The following POFUT2 variants were observed in gnomAD, a reference collection of about 807,000 sequenced individuals.
The protein encoded by POFUT2 is protein O-fucosyltransferase 2.
POFUT2 carries 30 observed loss-of-function variants against 55.0 expected under a neutral mutation model. The ratio of observed to expected loss-of-function variants is 0.55; its 90% CI spans 0.41 to 0.74. The LOEUF is 0.74. Ranked by LOEUF, POFUT2 falls within the 30% of genes least tolerant of loss-of-function variation. The probability of loss-of-function intolerance (pLI) is 0.00; values close to 1 mark genes in which losing one functional copy is unlikely to be tolerated. For synonymous variants in POFUT2, 267 were observed against 231.1 expected (o/e 1.16, Z -1.41); for missense variants, 524 against 562.6 (o/e 0.93, Z 0.69).
rs761471216 is a variant in POFUT2 at position 45,283,545 on chromosome 21, A to G, written c.383-18T>C. On this transcript the variant is annotated intron_variant, in intron 2 of 8. Coordinates refer to ENST00000349485, the MANE Select transcript of POFUT2 (RefSeq NM_133635.6). The stretch of plus-strand genomic sequence containing the variant: ...ACCAGATTCTGAAAGACACCAAGAA[A>G]AGCCAGGCAGTGTGACAGCGATCAG... 3.5e-5 allele frequency: 56 copies of G among 1,612,872 alleles called. No homozygotes were observed. The highest frequency in any genetic ancestry group is 4.7e-5 in the Non-Finnish European group (55 of 1,179,468).
At position 45,277,112 on chromosome 21, in the gene POFUT2, G is replaced by A. The variant is rs151096879; in HGVS notation, c.736C>T (p.Leu246=). ...CTGAACTCGTCTCCCACCTCCCGCAGGTGCCTGGCAAACACCATGCTGCGA... is the reference window on the plus strand; with the variant it reads ...CTGAACTCGTCTCCCACCTCCCGCAAGTGCCTGGCAAACACCATGCTGCGA... ...TRRSMVFARH[L]REVGDEFRSR... Residue 246 remains leucine, a synonymous_variant, in exon 6 of 9, where the codon CTG becomes TTG. Coordinates refer to ENST00000349485, the MANE Select transcript of POFUT2 (RefSeq NM_133635.6). The surrounding 1 kb of genome is among the most constrained non-coding windows in gnomAD (Gnocchi z 6.9). 4.5e-4 allele frequency: 721 copies of A among 1,613,994 alleles called. 1 individual carries two copies. The African/African-American group carries it at 5.2e-3, about 12-fold the overall frequency.
rs571841453 is a variant in POFUT2 at position 45,266,049 on chromosome 21, G to A, written c.1137-414C>T. ...CACACTGTCTAGCCAGGGCATGGCG[G>A]GTCCTTATCCTGAGGCACAGTAGAC... On this transcript the variant is annotated intron_variant, in intron 8 of 8. Transcript: ENST00000349485. 7 of 1,229,828 alleles carry A rather than the reference G, an allele frequency of 5.7e-6. No homozygotes were observed. In the African/African-American group the frequency reaches 9.3e-5, roughly 16 times the overall value. 76.2% of individuals were successfully genotyped at this position (1,229,828 alleles called of 1,614,324 possible).
intron 3 of POFUT2, 169 bp downstream of exon 3, chr21:45,283,214 G>A (rs572415856): frequency 2.3e-6 from 1 of 440,800 alleles, no homozygotes; most frequent in Non-Finnish European, 4.2e-6. Context: ...GGGAGTGGGG[G>A]GTGAAGACAC....
chr21:45,274,626 T>G (rs1174669121), intron 6 of POFUT2, among the ~76,000 whole-genome samples: 2 of 152,106 alleles, frequency 1.3e-5, no homozygotes, highest in Non-Finnish European at 2.9e-5. Context: ...CCTAGACCAG[T>G]GGAGCAGAAG....
Position 45,281,360 on chromosome 21 carries a change from A to C in POFUT2, c.638+989T>G, listed in dbSNP as rs1031003222. On this transcript the variant is annotated intron_variant, in intron 4 of 8. Transcript: ENST00000349485. The surrounding 1 kb of genome is among the most constrained non-coding windows in gnomAD (Gnocchi z 5.0). ...GAAATGAACCCAGTCCCAGGACAAC[A>C]TTAAAGCTGCATCTCAACAACCAAA... Among the ~76,000 whole-genome samples, 3 of 152,196 alleles carry C rather than the reference A, an allele frequency of 2.0e-5. No homozygotes were observed. The highest frequency in any genetic ancestry group is 7.2e-5 in the African/African-American group (3 of 41,458).
At chr21:45,269,207 G>A (rs1436746148) in intron 7 of POFUT2, among the ~76,000 whole-genome samples, 1 of 151,722 alleles carries the variant, frequency 6.6e-6, no homozygotes, top group Non-Finnish European at 1.5e-5. Context: ...CGTCCGGGAG[G>A]TGAGGGGCGC....
Position 45,269,956 on chromosome 21 carries a change from T to A in POFUT2, c.895A>T (p.Ile299Phe), listed in dbSNP as rs146202732. 1.3e-6 allele frequency: 2 copies of A among 1,596,214 alleles called. No homozygotes were observed. Among genetic ancestry groups the A allele is most frequent in the Non-Finnish European group, 1.7e-6 (2 of 1,174,202 alleles). ...GGTACATCCTGTCTGTGACCCCAGA[T>A]GAAATCTTTTCTTCTCAGGTGGACT... ...LGVHLRRKDF[I>F]WGHRQDVPSL... Residue 299 changes from isoleucine (I) to phenylalanine (F), a missense_variant, in exon 7 of 9, where the codon ATC (isoleucine) becomes TTC (phenylalanine). Physicochemically the swap from Ile to Phe is conservative, Grantham distance 21. Around this residue, in one of 2 missense-constraint regions of POFUT2, gnomAD observed 250 missense variants for 318.2 expected, o/e 0.79. Transcript: ENST00000349485.
In POFUT2 at chr21:45,265,135, G is replaced by C. The variant is rs2093141894; in HGVS notation, c.*347C>G. ...ATCCTCAATGCACTTAAAATATGAA[G>C]ACATGAAAGGTGGCTGGAAAGGCCA... is the stretch of plus-strand genomic sequence containing the variant. On this transcript the variant is annotated 3_prime_UTR_variant, in exon 9 of 9. Transcript: ENST00000349485. The surrounding 1 kb of genome is among the most constrained non-coding windows in gnomAD (Gnocchi z 4.6). The C allele has an allele frequency of 4.9e-6, 1 of 202,284 alleles. No individual in the cohort carries two copies. Among genetic ancestry groups the C allele is most frequent in the African/African-American group, 2.3e-5 (1 of 43,432 alleles). 12.5% of individuals were successfully genotyped at this position (202,284 alleles called of 1,614,324 possible).
At position 45,264,718 on chromosome 21, in the gene POFUT2, G is replaced by GC. The variant is rs1378225556; in HGVS notation, c.*763_*764insG. ...GCGGGGCAGTCGGGGCGAGGGAGGG[G>GC]TGGCCAGTGGGGGCGAGGGTGGGTG... is the stretch of plus-strand genomic sequence containing the variant. On this transcript the variant is annotated 3_prime_UTR_variant, in exon 9 of 9. Coordinates refer to ENST00000349485, the MANE Select transcript of POFUT2 (RefSeq NM_133635.6). 17 of 150,722 alleles carry GC rather than the reference G, an allele frequency of 1.1e-4. No individual in the cohort carries two copies. The highest frequency in any genetic ancestry group is 3.9e-4 in the African/African-American group (16 of 40,870). 9.3% of individuals were successfully genotyped at this position (150,722 alleles called of 1,614,324 possible).
intron 7 of POFUT2, 21 bp downstream of exon 7, chr21:45,269,818 G>GA: frequency 6.3e-7 from 1 of 1,578,834 alleles, no homozygotes; most frequent in African/African-American, 1.4e-5. Flanking sequence ...GGAAAGAAAC[G>GA]AAAGCATTGA....
chr21:45,270,142 G>T lies in POFUT2; in HGVS notation c.832-123C>A. ...TCCATGTGGCCTCCTCCACGGGGTG[G>T]CTCCAGGGCTGTCTAAGGGATTCAG... On this transcript the variant is annotated intron_variant, in intron 6 of 8. Transcript: ENST00000349485. This position sits in a 1 kb window ranked among gnomAD's most constrained non-coding sequence, Gnocchi z 4.6. The T allele has an allele frequency of 1.6e-6, 1 of 627,394 alleles. No homozygotes were observed. Among genetic ancestry groups the T allele is most frequent in the Non-Finnish European group, 2.4e-6 (1 of 408,908 alleles). 38.9% of individuals were successfully genotyped at this position (627,394 alleles called of 1,614,324 possible). A position where few individuals can be genotyped will look rare whatever the true frequency, so the allele number is the denominator to read the frequency against.
chr21:45,277,299 G>A lies in POFUT2; in HGVS notation c.706-157C>T, dbSNP rs927270619. On this transcript the variant is annotated intron_variant, in intron 5 of 8. Coordinates refer to ENST00000349485, the MANE Select transcript of POFUT2 (RefSeq NM_133635.6). The surrounding 1 kb of genome is among the most constrained non-coding windows in gnomAD (Gnocchi z 6.9). ...TCGCCTGAGAAGCAGCGCCATCCACGGTGGAGGCTCTTGGAGGGTCTCCTG... is the reference window on the plus strand; with the variant it reads ...TCGCCTGAGAAGCAGCGCCATCCACAGTGGAGGCTCTTGGAGGGTCTCCTG... The A allele has an allele frequency of 9.2e-6, 9 of 982,456 alleles. No homozygotes were observed. Among genetic ancestry groups the A allele is most frequent in the South Asian group, 1.7e-5 (1 of 60,414 alleles). The allele number at this position is 982,456 out of a possible 1,614,324, so 60.9% of individuals were successfully genotyped here.
intron 7 of POFUT2, among the ~76,000 whole-genome samples, chr21:45,269,043 G>A (rs1311603549): frequency 9.4e-6 from 1 of 106,604 alleles, no homozygotes; most frequent in Non-Finnish European, 1.9e-5. Context: ...AGGTGGGGGG[G>A]TCAGCCCCCC....
Position 45,285,810 on chromosome 21 carries a change from G to A in POFUT2, c.250C>T (p.Pro84Ser), listed in dbSNP as rs1320998013. ...CAGTGATAGAGGCGGCCCCATGGAGGCAGGACAAGCACCCACTCCTCCGTC... is the reference window on the plus strand; with the variant it reads ...CAGTGATAGAGGCGGCCCCATGGAGACAGGACAAGCACCCACTCCTCCGTC... The part of the protein sequence containing the change: ...LKTEEWVLVL[P>S]PWGRLYHWQS... Residue 84 changes from proline (P) to serine (S), a missense_variant, in exon 2 of 9, where the codon CCT becomes TCT. This residue lies in a region of POFUT2 where 274 missense variants were observed against 244.4 expected (regional missense o/e 1.12). Transcript: ENST00000349485. The surrounding 1 kb of genome is among the most constrained non-coding windows in gnomAD (Gnocchi z 4.9). 2 of 1,613,526 alleles carry A rather than the reference G, an allele frequency of 1.2e-6. No homozygotes were observed. The highest frequency in any genetic ancestry group is 1.7e-6 in the Non-Finnish European group (2 of 1,180,036).
chr21:45,276,718 C>T (rs1440118777), intron 6 of POFUT2, among the ~76,000 whole-genome samples: 1 of 152,166 alleles, frequency 6.6e-6, no homozygotes, highest in African/African-American at 2.4e-5. Context: ...TTCCGCGCTC[C>T]TGGCCTTGCC....
chr21:45,276,003 A>C (rs1017763402), intron 6 of POFUT2, among the ~76,000 whole-genome samples: 16 of 152,230 alleles, frequency 1.1e-4, no homozygotes, highest in African/African-American at 3.6e-4. Flanking sequence ...AGCCTGGCCA[A>C]CATGGGAAAA....
rs1225092646 is a variant in POFUT2, at chr21:45,277,354, C to T, written c.706-212G>A. 6.7e-6 allele frequency: 4 copies of T among 593,030 alleles called. No homozygotes were observed. Among genetic ancestry groups the T allele is most frequent in the East Asian group, 3.2e-5 (1 of 30,874 alleles). The allele number at this position is 593,030 out of a possible 1,614,324, so 36.7% of individuals were successfully genotyped here. ...AAGCCAACGCAGGGCAAGCCGCCCACCCCTGCCGGCTCTGCCAGCCCCTGC... is the reference window on the plus strand; with the variant it reads ...AAGCCAACGCAGGGCAAGCCGCCCATCCCTGCCGGCTCTGCCAGCCCCTGC... On this transcript the variant is annotated intron_variant, in intron 5 of 8. Coordinates refer to ENST00000349485, the MANE Select transcript of POFUT2 (RefSeq NM_133635.6). The surrounding 1 kb of genome is among the most constrained non-coding windows in gnomAD (Gnocchi z 6.9).
In POFUT2 at chr21:45,267,532, G is replaced by C; in HGVS notation, c.1136+58C>G. On this transcript the variant is annotated intron_variant, in intron 8 of 8. Transcript: ENST00000349485. This position sits in a 1 kb window ranked among gnomAD's most constrained non-coding sequence, Gnocchi z 4.4. ...GCTCTGACACCGAGTACTTGGGACA[G>C]AAGAACCTTTGAAAGCCACCCGACC... 1.2e-6 allele frequency: 2 copies of C among 1,614,200 alleles called. No homozygotes were observed. The highest frequency in any genetic ancestry group is 4.5e-5 in the East Asian group (2 of 44,872).
chr21:45,266,387 G>T, intron 8 of POFUT2: 5 of 1,212,316 alleles, frequency 4.1e-6, no homozygotes, highest in Non-Finnish European at 4.2e-6. Flanking sequence ...ACAGGGGCCT[G>T]CCAGAGCAGG....
Sources: gnomAD v4.1 joint callset for allele counts (sites outside exome capture counted in the v4.1 genomes callset) on GRCh38, gnomAD v4.1.1 for gene constraint, gnomAD v4.1.1 regional missense constraint, Gnocchi (gnomAD v3.1) non-coding constraint, MANE v1.5 for transcripts, NCBI Gene and HGNC (gene_info 2026-07-23, HGNC 2026-07-21) for gene names.